The following ADAMTSL3 variants were observed in gnomAD, a reference collection of about 807,000 sequenced individuals.
The protein encoded by ADAMTSL3 is ADAMTS-like protein 3.
In ADAMTSL3, 128 loss-of-function variants were observed where a neutral mutation model predicts 201.7. That is an observed-to-expected ratio of 0.63 (90% CI 0.55 to 0.73). The LOEUF (loss-of-function observed/expected upper bound fraction) is 0.73. ADAMTSL3 is among the 30% of genes least tolerant of loss of function. The pLI is 0.00. For synonymous variants in ADAMTSL3, 738 were observed against 748.4 expected (o/e 0.99, Z 0.23); for missense variants, 1,990 against 2,119.6 (o/e 0.94, Z 1.20).
At chr15:83,914,084 C>T (rs1281818580) in intron 16 of ADAMTSL3, among the ~76,000 whole-genome samples, 1 of 152,226 alleles carries the variant, frequency 6.6e-6, no homozygotes, top group East Asian at 1.9e-4. Context: ...ATGAAGGAGA[C>T]TGGGTCTGAC....
chr15:83,781,404 G>A (rs1387673017), intron 4 of ADAMTSL3, among the ~76,000 whole-genome samples: 1 of 152,210 alleles, frequency 6.6e-6, no homozygotes, highest in Non-Finnish European at 1.5e-5. Flanking sequence ...TAAATGGGTA[G>A]TCATATGCAG....
In ADAMTSL3 at chr15:83,885,148, C is replaced by G. The variant is rs766864137; in HGVS notation, c.1008C>G (p.Tyr336Ter). 2 of 1,614,150 alleles carry G rather than the reference C, an allele frequency of 1.2e-6. No homozygotes were observed. The highest frequency in any genetic ancestry group is 1.7e-6 in the Non-Finnish European group (2 of 1,180,024). ...AKDSVVQFFF[Y>*]QPISHQWRQT... ...ACAGCGTGGTTCAGTTCTTCTTTTA[C>G]CAGCCCATCAGTCATCAGTGGAGAC... Residue 336 changes from tyrosine (Y) to a stop codon, truncating the protein, a stop_gained, in exon 10 of 30, where the codon TAC becomes TAG. Coordinates refer to ENST00000286744, the MANE Select transcript of ADAMTSL3 (RefSeq NM_207517.3). LOFTEE classifies it high-confidence loss of function.
At chr15:84,013,892 A>G (rs1013796517) in intron 23 of ADAMTSL3, among the ~76,000 whole-genome samples, 4 of 152,210 alleles carry the variant, frequency 2.6e-5, no homozygotes, top group Admixed American at 2.6e-4. Flanking sequence ...AATTCTTTCA[A>G]TTCCTCATGT....
chr15:83,942,986 C>A lies in ADAMTSL3; in HGVS notation c.2394C>A (p.Leu798=). Residue 798 remains leucine (L), a synonymous_variant, in exon 19 of 30, where the codon CTC becomes CTA. Coordinates refer to ENST00000286744, the MANE Select transcript of ADAMTSL3 (RefSeq NM_207517.3). ...QLLTDGSFLN[L]SDELCQGPKA... ...TAACGGATGGCAGCTTTTTGAATCT[C>A]TCAGATGAATTGTGCCAAGGACCCA... 1 of 1,614,088 alleles carries A rather than the reference C, an allele frequency of 6.2e-7. No individual in the cohort carries two copies. Among genetic ancestry groups the A allele is most frequent in the Non-Finnish European group, 8.5e-7 (1 of 1,179,986 alleles).
chr15:83,849,429 G>A (rs188587009), intron 7 of ADAMTSL3, among the ~76,000 whole-genome samples: 63 of 152,206 alleles, frequency 4.1e-4, no homozygotes, highest in East Asian at 5.8e-4. Flanking sequence ...CCCAGCCACC[G>A]TCCGCTGTGT....
At chr15:83,716,845 C>A (rs2062026840) in intron 3 of ADAMTSL3, among the ~76,000 whole-genome samples, 1 of 152,104 alleles carries the variant, frequency 6.6e-6, no homozygotes, top group Non-Finnish European at 1.5e-5. Context: ...TTGGATGAAT[C>A]CTTCTCTTAA....
At chr15:83,953,544 A>T (rs1416737639) in intron 19 of ADAMTSL3, among the ~76,000 whole-genome samples, 1 of 152,106 alleles carries the variant, frequency 6.6e-6, no homozygotes, top group Non-Finnish European at 1.5e-5. Flanking sequence ...CATCATTTAG[A>T]CTTTCTACTT....
chr15:83,860,598 T>TC (rs1428778052), intron 8 of ADAMTSL3, among the ~76,000 whole-genome samples: 1 of 152,124 alleles, frequency 6.6e-6, no homozygotes, highest in African/African-American at 2.4e-5. Context: ...TAAAGGCCAT[T>TC]CCCCAAAATT....
At chr15:83,919,977 A>C (rs1026336572) in intron 16 of ADAMTSL3, among the ~76,000 whole-genome samples, 1 of 152,172 alleles carries the variant, frequency 6.6e-6, no homozygotes, top group African/African-American at 2.4e-5. Flanking sequence ...TATTTGCTGA[A>C]AGTGATTGGT....
chr15:83,920,084 A>G (rs758752064), intron 16 of ADAMTSL3, among the ~76,000 whole-genome samples: 1 of 152,230 alleles, frequency 6.6e-6, no homozygotes, highest in South Asian at 2.1e-4. Context: ...ATATGTATGT[A>G]TGAATGATAC....
intron 2 of ADAMTSL3, among the ~76,000 whole-genome samples, chr15:83,672,134 C>A (rs1320476507): frequency 2.0e-5 from 3 of 152,036 alleles, no homozygotes; most frequent in Non-Finnish European, 4.4e-5. Flanking sequence ...CCCTTAAATC[C>A]AAATAGAAGT....
intron 3 of ADAMTSL3, among the ~76,000 whole-genome samples, chr15:83,752,545 C>G (rs985720053): frequency 6.6e-6 from 1 of 152,172 alleles, no homozygotes; most frequent in Admixed American, 6.5e-5. Context: ...AAGTCTTTGG[C>G]TTTACTTTCA....
chr15:83,892,533 A>G, intron 12 of ADAMTSL3, 151 bp from the exon 13 acceptor site: 1 of 717,910 alleles, frequency 1.4e-6, no homozygotes, highest in Non-Finnish European at 2.2e-6. Context: ...CTGTCTCAAC[A>G]AAAAAAAGTA....
intron 2 of ADAMTSL3, among the ~76,000 whole-genome samples, chr15:83,673,311 G>A (rs2061351838): frequency 6.6e-6 from 1 of 152,230 alleles, no homozygotes; most frequent in Non-Finnish European, 1.5e-5. Context: ...GTTTATTATA[G>A]TGTTAATTGA....
At chr15:83,914,846 TG>T (rs201023752) in intron 16 of ADAMTSL3, among the ~76,000 whole-genome samples, 22,337 of 114,150 alleles carry the variant, frequency 0.2, 1,934 homozygotes, top group Middle Eastern at 0.38. Context: ...TTTGTTTGTT[TG>T]GTTTTGTTTG....
At chr15:83,663,637 A>G (rs1399489958) in intron 2 of ADAMTSL3, among the ~76,000 whole-genome samples, 1 of 151,636 alleles carries the variant, frequency 6.6e-6, no homozygotes, top group Non-Finnish European at 1.5e-5. Context: ...CTTTTCCAGC[A>G]CTCCGGGTTT....
intron 2 of ADAMTSL3, chr15:83,694,293 G>A (rs1477593): frequency 0.85 from 129,736 of 152,158 alleles, 55,796 homozygotes; most frequent in East Asian, 0.96. Flanking sequence ...CTCTCTCCTG[G>A]GTGCTTTGGT....
intron 23 of ADAMTSL3, among the ~76,000 whole-genome samples, chr15:83,993,769 T>C (rs1172793831): frequency 1.3e-5 from 2 of 152,212 alleles, no homozygotes; most frequent in African/African-American, 4.8e-5. Flanking sequence ...AAAGTTTTTT[T>C]CTGTCCATTT....
intron 15 of ADAMTSL3, among the ~76,000 whole-genome samples, chr15:83,910,859 C>T (rs568036125): frequency 1.3e-5 from 2 of 150,994 alleles, no homozygotes; most frequent in Admixed American, 6.6e-5. Context: ...AGGCTAGTCT[C>T]GAACTCCTGA....
Sources: allele counts gnomAD v4.1 joint callset (sites outside exome capture counted in the v4.1 genomes callset), GRCh38; gene constraint gnomAD v4.1.1; transcripts MANE v1.5; gene names NCBI Gene and HGNC (gene_info 2026-07-23, HGNC 2026-07-21).